Variants in SLIT1 observed in about 807,000 individuals in gnomAD.
SLIT1 encodes the protein slit homolog 1 protein.
SLIT1 carries 66 observed loss-of-function variants against 186.1 expected under a neutral mutation model. The ratio of observed to expected loss-of-function variants is 0.35; its 90% CI spans 0.29 to 0.44. SLIT1 has a LOEUF of 0.44. SLIT1 is among the 20% of genes least tolerant of loss of function. The pLI is 1.00. For synonymous variants in SLIT1, 761 were observed against 833.8 expected (o/e 0.91, Z 1.50); for missense variants, 1,638 against 2,037.4 (o/e 0.80, Z 3.77).
chr10:97,138,431 C>T (rs1204968490), intron 4 of SLIT1, among the ~76,000 whole-genome samples: 1 of 152,228 alleles, frequency 6.6e-6, no homozygotes, highest in Admixed American at 6.5e-5. Context: ...ACGGTCACCA[C>T]GGTCTGTGGT....
intron 3 of SLIT1, among the ~76,000 whole-genome samples, chr10:97,160,015 C>T (rs1850005898): frequency 6.6e-6 from 1 of 152,152 alleles, no homozygotes; most frequent in South Asian, 2.1e-4. Context: ...GATGTGGGAT[C>T]TTGAAGCTTG....
intron 17 of SLIT1, 42 bp from the exon 18 acceptor site, chr10:97,046,839 C>G (rs1200569233): frequency 1.2e-6 from 2 of 1,603,324 alleles, no homozygotes; most frequent in Non-Finnish European, 1.7e-6. Flanking sequence ...TGGCCAGCAG[C>G]CAGGAGCTCA....
chr10:97,165,356 T>C (rs1309435811), intron 1 of SLIT1, among the ~76,000 whole-genome samples: 11 of 152,150 alleles, frequency 7.2e-5, no homozygotes, highest in Non-Finnish European at 1.3e-4. Context: ...AAGGTCCCCA[T>C]GGGGACACCA....
intron 21 of SLIT1, 64 bp from the exon 22 acceptor site, chr10:97,037,830 A>AGGCTGTCCC: frequency 7.1e-7 from 1 of 1,400,542 alleles, no homozygotes; most frequent in Non-Finnish European, 1.0e-6. Flanking sequence ...CATGCTGGGG[A>AGGCTGTCCC]CAGCCTTCCC....
intron 1 of SLIT1, among the ~76,000 whole-genome samples, chr10:97,178,075 G>A (rs1036577358): frequency 6.6e-6 from 1 of 152,142 alleles, no homozygotes; most frequent in African/African-American, 2.4e-5. Context: ...AAATGATGGA[G>A]TTGCAAAATC....
At chr10:97,098,211 G>A (rs1343661119) in intron 4 of SLIT1, among the ~76,000 whole-genome samples, 1 of 152,230 alleles carries the variant, frequency 6.6e-6, no homozygotes, top group Non-Finnish European at 1.5e-5. Context: ...TGAGAAAACA[G>A]TGACCGGGAT....
intron 1 of SLIT1, among the ~76,000 whole-genome samples, chr10:97,179,044 G>C (rs1036972087): frequency 3.3e-5 from 5 of 151,676 alleles, no homozygotes; most frequent in Non-Finnish European, 7.4e-5. Context: ...CCCTCGCTTC[G>C]CCTCGCTACT....
chr10:97,056,652 C>T (rs1452643580), intron 12 of SLIT1, among the ~76,000 whole-genome samples, 188 bp from the exon 13 acceptor site: 2 of 152,236 alleles, frequency 1.3e-5, no homozygotes, highest in Non-Finnish European at 2.9e-5. Context: ...ACTGCCTCCT[C>T]CATGCATAGG....
chr10:97,084,397 TG>T (rs1461011181), intron 4 of SLIT1, among the ~76,000 whole-genome samples: 1 of 152,156 alleles, frequency 6.6e-6, no homozygotes, highest in Non-Finnish European at 1.5e-5. Context: ...TTGCAATATC[TG>T]GGTATCCTCA....
chr10:97,128,656 G>C (rs1462662108), intron 4 of SLIT1, among the ~76,000 whole-genome samples: 1 of 152,222 alleles, frequency 6.6e-6, no homozygotes, highest in East Asian at 1.9e-4. Flanking sequence ...CCCAAAGCCT[G>C]GGCTGGCAGT....
chr10:97,099,169 G>T (rs1564675364), intron 4 of SLIT1, among the ~76,000 whole-genome samples: 2 of 151,894 alleles, frequency 1.3e-5, no homozygotes, highest in Non-Finnish European at 2.9e-5. Flanking sequence ...TGCTGTGACT[G>T]CCCCTCCCTC....
intron 10 of SLIT1, 163 bp from the exon 11 acceptor site, chr10:97,059,694 C>T (rs774277011): frequency 2.3e-4 from 155 of 663,584 alleles, no homozygotes; most frequent in Admixed American, 9.2e-4. Context: ...AGCCCATGGC[C>T]GCTATTTCCC....
chr10:97,150,544 T>A (rs947927439), intron 4 of SLIT1, among the ~76,000 whole-genome samples: 3 of 151,840 alleles, frequency 2.0e-5, no homozygotes, highest in Non-Finnish European at 4.4e-5. Context: ...AGCAGGGATA[T>A]AAATAAGGGG....
intron 13 of SLIT1, among the ~76,000 whole-genome samples, chr10:97,055,492 G>A (rs1393918311): frequency 1.3e-5 from 2 of 152,070 alleles, no homozygotes; most frequent in African/African-American, 4.8e-5. Flanking sequence ...CTCCCAGGTA[G>A]CTGGGACTAC....
intron 1 of SLIT1, among the ~76,000 whole-genome samples, chr10:97,169,825 C>G (rs1173045628): frequency 6.6e-6 from 1 of 152,236 alleles, no homozygotes; most frequent in African/African-American, 2.4e-5. Context: ...CATATGATCT[C>G]CAACTTGCTG....
chr10:97,154,906 A>G (rs560574704), intron 4 of SLIT1: 1 of 152,354 alleles, frequency 6.6e-6, no homozygotes, highest in South Asian at 2.1e-4. Flanking sequence ...GAAACCATGA[A>G]GAGGGCGGGC....
In SLIT1 at chr10:97,001,136, C is replaced by T. The variant is rs373776076; in HGVS notation, c.4581G>A (p.Lys1527=). The change falls in exon 37 of 37, where the codon AAG becomes AAA. Residue 1527 remains lysine (K), a synonymous_variant. Transcript: ENST00000266058. ...SFAEEVEKPT[K]CGCALCA ...GCTATGCGCAGAGGGCACAGCCACACTTGGTGGGCTTTTCCACCTCCTCGG... is the reference window on the plus strand; with the variant it reads ...GCTATGCGCAGAGGGCACAGCCACATTTGGTGGGCTTTTCCACCTCCTCGG... 4.3e-6 allele frequency: 7 copies of T among 1,613,100 alleles called. No individual in the cohort carries two copies. Among genetic ancestry groups the T allele is most frequent in the Non-Finnish European group, 2.5e-6 (3 of 1,179,830 alleles).
At chr10:97,045,747 T>C (rs1848728417) in intron 18 of SLIT1, among the ~76,000 whole-genome samples, 1 of 152,244 alleles carries the variant, frequency 6.6e-6, no homozygotes, top group Non-Finnish European at 1.5e-5. Context: ...TAATAAAATT[T>C]GCTTTTTGTA....
chr10:97,099,768 G>A (rs1220531162), intron 4 of SLIT1, among the ~76,000 whole-genome samples: 1 of 152,174 alleles, frequency 6.6e-6, no homozygotes, highest in African/African-American at 2.4e-5. Flanking sequence ...CTCGCCCAGG[G>A]GAGGCCAGAG....
Sources: allele counts gnomAD v4.1 joint callset (sites outside exome capture counted in the v4.1 genomes callset), GRCh38; gene constraint gnomAD v4.1.1; transcripts MANE v1.5; gene names NCBI Gene and HGNC (gene_info 2026-07-23, HGNC 2026-07-21).